The following KCNIP4 variants were observed in gnomAD, a reference collection of about 807,000 sequenced individuals.
The protein encoded by KCNIP4 is potassium voltage-gated channel interacting protein 4.
Under a neutral mutation model 34.0 loss-of-function variants are expected in KCNIP4, and 12 were observed. The ratio of observed to expected loss-of-function variants is 0.35; its 90% confidence interval spans 0.23 to 0.57. The LOEUF (loss-of-function observed/expected upper bound fraction) is 0.57. Ranked by LOEUF, KCNIP4 falls within the 20% of genes least tolerant of loss-of-function variation. The pLI is 0.83. For synonymous variants in KCNIP4, 124 were observed against 102.2 expected (o/e 1.21, Z -1.29); for missense variants, 238 against 311.7 (o/e 0.76, Z 1.78).
chr4:21,621,509 G>A (rs1218402375), intron 1 of KCNIP4, among the ~76,000 whole-genome samples: 1 of 152,038 alleles, frequency 6.6e-6, no homozygotes, highest in African/African-American at 2.4e-5. Flanking sequence ...GTGACCACAG[G>A]TATGCATAAC....
intron 1 of KCNIP4, among the ~76,000 whole-genome samples, chr4:21,242,245 A>G (rs1759882067): frequency 1.3e-5 from 2 of 151,872 alleles, no homozygotes; most frequent in African/African-American, 2.4e-5. Context: ...AGAAATGTGA[A>G]GCATTTCTCT....
intron 1 of KCNIP4, among the ~76,000 whole-genome samples, chr4:21,289,551 G>A (rs1437167836): frequency 1.3e-5 from 2 of 151,986 alleles, no homozygotes; most frequent in African/African-American, 4.8e-5. Flanking sequence ...AATGAAAGAG[G>A]AAAATTATAT....
chr4:21,590,379 G>T (rs28559594), intron 1 of KCNIP4, among the ~76,000 whole-genome samples: 17,560 of 151,890 alleles, frequency 0.12, 1,111 homozygotes, highest in African/African-American at 0.14. Flanking sequence ...AAAATAGATT[G>T]CAGGGCCCCT....
intron 1 of KCNIP4, among the ~76,000 whole-genome samples, chr4:21,874,987 A>T (rs930540154): frequency 3.3e-5 from 5 of 152,198 alleles, no homozygotes; most frequent in African/African-American, 1.2e-4. Flanking sequence ...AAGAGTTCTG[A>T]CAACAAACAA....
rs995579238 is a variant in KCNIP4 at position 21,584,403 on chromosome 4, T to C, written c.61+364168A>G. Among the ~76,000 whole-genome samples, 5 of 152,084 alleles carry C rather than the reference T, an allele frequency of 3.3e-5. No homozygotes were observed. In the South Asian group the frequency reaches 8.3e-4, roughly 25 times the overall value. ...AAATTTACCAAAATTATTTTAGTCATAAAGAATTTGCATACCATAACAGAA... is the reference window on the plus strand; with the variant it reads ...AAATTTACCAAAATTATTTTAGTCACAAAGAATTTGCATACCATAACAGAA... On this transcript the variant is annotated intron_variant, in intron 1 of 8. Coordinates refer to ENST00000382152, the MANE Select transcript of KCNIP4 (RefSeq NM_025221.6).
At chr4:21,833,557 T>C (rs968169637) in intron 1 of KCNIP4, among the ~76,000 whole-genome samples, 10 of 152,312 alleles carry the variant, frequency 6.6e-5, no homozygotes, top group East Asian at 5.8e-4. Context: ...TTCACTCTGA[T>C]AGTAGTTTGT....
chr4:21,817,712 T>A (rs1458071641), intron 1 of KCNIP4, among the ~76,000 whole-genome samples: 2 of 152,106 alleles, frequency 1.3e-5, no homozygotes, highest in Non-Finnish European at 2.9e-5. Flanking sequence ...GACTGAGATA[T>A]GTCCTGGTCT....
chr4:21,340,572 T>C (rs758488519), intron 1 of KCNIP4, among the ~76,000 whole-genome samples: 11 of 152,160 alleles, frequency 7.2e-5, no homozygotes, highest in Non-Finnish European at 1.2e-4. Context: ...AGATTCATTA[T>C]CACACACATC....
intron 1 of KCNIP4, among the ~76,000 whole-genome samples, chr4:21,709,500 T>A (rs1713549425): frequency 6.6e-6 from 1 of 152,206 alleles, no homozygotes; most frequent in Non-Finnish European, 1.5e-5. Flanking sequence ...TTGTCTCAGT[T>A]ATAAATGGCA....
intron 1 of KCNIP4, among the ~76,000 whole-genome samples, chr4:21,300,760 A>G (rs1447158886): frequency 1.3e-5 from 2 of 152,124 alleles, no homozygotes; most frequent in Non-Finnish European, 2.9e-5. Flanking sequence ...TAACCATTAT[A>G]CTGTATATCA....
In KCNIP4 at chr4:21,198,582, A is replaced by T. The variant is rs531506292; in HGVS notation, c.62-315873T>A. Among the ~76,000 whole-genome samples the T allele has an allele frequency of 3.4e-4, 51 of 152,158 alleles. No individual in the cohort carries two copies. In the South Asian group the frequency reaches 9.3e-3, roughly 28 times the overall value. On this transcript the variant is annotated intron_variant, in intron 1 of 8. Transcript: ENST00000382152. ...CAGTCTCCTGTATGCAAGTCTTTAG[A>T]CCTCTTGCTTATCTGTAAAAGTAGG...
At chr4:21,204,751 T>G (rs938186832) in intron 1 of KCNIP4, among the ~76,000 whole-genome samples, 1 of 152,204 alleles carries the variant, frequency 6.6e-6, no homozygotes, top group African/African-American at 2.4e-5. Flanking sequence ...ATGGGCAGCT[T>G]TTTTAGAAAG....
chr4:20,958,784 C>G (rs1733563631), intron 1 of KCNIP4, among the ~76,000 whole-genome samples: 3 of 152,298 alleles, frequency 2.0e-5, no homozygotes, highest in Admixed American at 1.3e-4. Flanking sequence ...TGACAAGAAG[C>G]TTTGTATCTC....
chr4:21,867,958 C>CA (rs1242837628), intron 1 of KCNIP4, among the ~76,000 whole-genome samples: 1 of 152,026 alleles, frequency 6.6e-6, no homozygotes, highest in African/African-American at 2.4e-5. Context: ...ATATTTTTGT[C>CA]AGTTACCTTA....
intron 1 of KCNIP4, among the ~76,000 whole-genome samples, chr4:20,975,208 T>G (rs903772935): frequency 3.9e-5 from 6 of 152,184 alleles, no homozygotes; most frequent in African/African-American, 1.4e-4. Context: ...TAAGAGAGTG[T>G]AGACTTAAGG....
chr4:21,675,609 A>C (rs1231446565), intron 1 of KCNIP4, among the ~76,000 whole-genome samples: 2 of 152,138 alleles, frequency 1.3e-5, no homozygotes, highest in African/African-American at 4.8e-5. Flanking sequence ...TTAAAAGAAA[A>C]GAAACACCAT....
At chr4:20,747,800 G>T (rs1752684517) in intron 5 of KCNIP4, among the ~76,000 whole-genome samples, 1 of 152,082 alleles carries the variant, frequency 6.6e-6, no homozygotes, top group African/African-American at 2.4e-5. Flanking sequence ...TGCCTGCCCT[G>T]TTCATCCTGC....
intron 1 of KCNIP4, among the ~76,000 whole-genome samples, chr4:21,819,667 A>T (rs1040518718): frequency 5.3e-5 from 8 of 152,170 alleles, no homozygotes; most frequent in Admixed American, 2.0e-4. Flanking sequence ...TTTTATTTTT[A>T]AAAAAGGAAT....
chr4:21,155,787 G>C (rs2109260511), intron 1 of KCNIP4, among the ~76,000 whole-genome samples: 1 of 152,304 alleles, frequency 6.6e-6, no homozygotes, highest in African/African-American at 2.4e-5. Flanking sequence ...GCATTTGTTA[G>C]ATAAATGCAT....
Sources: gnomAD v4.1 joint callset for allele counts (sites outside exome capture counted in the v4.1 genomes callset) on GRCh38, gnomAD v4.1.1 for gene constraint, MANE v1.5 for transcripts, NCBI Gene and HGNC (gene_info 2026-07-23, HGNC 2026-07-21) for gene names.